Variants in TTLL7 observed in about 807,000 individuals in gnomAD.
TTLL7 encodes the protein tubulin polyglutamylase TTLL7.
TTLL7 carries 53 observed loss-of-function variants against 120.2 expected under a neutral mutation model. The observed-to-expected ratio is 0.44, with a 90% CI of 0.35 to 0.55. The LOEUF is 0.55. TTLL7 is among the 20% of genes least tolerant of loss of function. The pLI, the probability that TTLL7 is intolerant of heterozygous loss-of-function variation, is 0.00. For missense variants in TTLL7, 803 were observed against 1,054.7 expected, an observed-to-expected ratio of 0.76 and a Z score of 3.31; for synonymous variants, 353 against 351.7, an observed-to-expected ratio of 1.00 and a Z score of -0.04.
At chr1:83,949,663 G>C (rs1017505028) in intron 4 of TTLL7, 2 of 536,068 alleles carry the variant, frequency 3.7e-6, no homozygotes, top group Admixed American at 4.0e-5. Context: ...CCTAAAGATA[G>C]AAAGAGGTTA....
intron 18 of TTLL7, among the ~76,000 whole-genome samples, chr1:83,903,732 CT>C (rs1397413549): frequency 6.6e-6 from 1 of 151,648 alleles, no homozygotes; most frequent in East Asian, 1.9e-4. Context: ...CACAGCCATC[CT>C]TTTTTTTCCA....
intron 1 of TTLL7, among the ~76,000 whole-genome samples, chr1:83,974,490 T>C (rs1651281219): frequency 6.6e-6 from 1 of 151,916 alleles, no homozygotes; most frequent in Non-Finnish European, 1.5e-5. Flanking sequence ...CGATAACAAT[T>C]AACAAAAAGT....
intron 13 of TTLL7, among the ~76,000 whole-genome samples, 176 bp downstream of exon 13, chr1:83,919,523 T>C (rs1291960221): frequency 6.6e-6 from 1 of 152,156 alleles, no homozygotes; most frequent in Non-Finnish European, 1.5e-5. Flanking sequence ...TTGGTAGATA[T>C]CTTATGAAGT....
chr1:83,948,207 A>ACACG (rs1168565170), intron 5 of TTLL7, among the ~76,000 whole-genome samples: 1 of 151,978 alleles, frequency 6.6e-6, no homozygotes, highest in Non-Finnish European at 1.5e-5. Flanking sequence ...ACACACACAC[A>ACACG]CACACACAGC....
At chr1:83,987,322 AC>A (rs1652565114) in intron 1 of TTLL7, among the ~76,000 whole-genome samples, 1 of 152,068 alleles carries the variant, frequency 6.6e-6, no homozygotes, top group African/African-American at 2.4e-5. Flanking sequence ...AGACTTAAAC[AC>A]CTGGGGACAT....
At chr1:83,949,817 C>T (rs1223035043) in intron 4 of TTLL7, 48 bp downstream of exon 4, 2 of 1,604,708 alleles carry the variant, frequency 1.2e-6, no homozygotes, top group Admixed American at 3.4e-5. Flanking sequence ...TATGTGGAAT[C>T]CATATAACTT....
chr1:83,962,620 T>C (rs561601930), intron 1 of TTLL7, among the ~76,000 whole-genome samples: 3 of 152,292 alleles, frequency 2.0e-5, no homozygotes, highest in Admixed American at 1.3e-4. Context: ...AGTGGTAGCA[T>C]TGTGCCTACT....
intron 1 of TTLL7, among the ~76,000 whole-genome samples, chr1:83,976,886 A>C (rs1278526030): frequency 2.0e-5 from 3 of 152,194 alleles, no homozygotes; most frequent in Non-Finnish European, 4.4e-5. Flanking sequence ...TTTACAAAAA[A>C]AAAATGTTAA....
At chr1:83,898,623 T>C (rs1656447611) in intron 18 of TTLL7, among the ~76,000 whole-genome samples, 1 of 151,832 alleles carries the variant, frequency 6.6e-6, no homozygotes, top group Admixed American at 6.6e-5. Flanking sequence ...TTAGCTCTTA[T>C]ATTGTCAGGC....
intron 10 of TTLL7, among the ~76,000 whole-genome samples, chr1:83,925,218 T>C (rs765888756): frequency 1.3e-5 from 2 of 152,202 alleles, no homozygotes; most frequent in Non-Finnish European, 2.9e-5. Context: ...CCAGTTAACA[T>C]TGTCTCAAAG....
chr1:83,968,069 C>A (rs1333950633), intron 1 of TTLL7, among the ~76,000 whole-genome samples: 1 of 151,964 alleles, frequency 6.6e-6, no homozygotes, highest in African/African-American at 2.4e-5. Flanking sequence ...CCACAGTTGG[C>A]AAGGTATGAA....
intron 1 of TTLL7, among the ~76,000 whole-genome samples, chr1:83,981,832 A>C (rs1413665039): frequency 2.2e-5 from 3 of 135,504 alleles, no homozygotes; most frequent in Middle Eastern, 4.3e-3. Flanking sequence ...CTCTGTCACA[A>C]AAAAAAAAAA....
At chr1:83,942,423 C>T in intron 7 of TTLL7, 40 bp downstream of exon 7, 1 of 1,521,886 alleles carries the variant, frequency 6.6e-7, no homozygotes, top group Non-Finnish European at 9.1e-7. Flanking sequence ...TATATGTTGA[C>T]AAATGAATGA....
In TTLL7 at chr1:83,952,273, A is replaced by C. The variant is rs1649136533; in HGVS notation, c.-62T>G. The stretch of plus-strand genomic sequence containing the variant: ...TGTACCAAGCTCTCAGGAAATCTGG[A>C]AATTCCACATTAGTCTAAGTAGGAT... On this transcript the variant is annotated 5_prime_UTR_variant, in exon 2 of 21. Coordinates refer to ENST00000260505, the MANE Select transcript of TTLL7 (RefSeq NM_024686.6). The C allele has an allele frequency of 4.4e-6, 7 of 1,592,204 alleles. No individual in the cohort carries two copies. The highest frequency in any genetic ancestry group is 3.4e-5 in the Admixed American group (2 of 59,508).
rs545898996 is a variant in TTLL7, at chr1:83,923,496, C to G, written c.1143-2102G>C. 4.6e-5 allele frequency among the ~76,000 whole-genome samples: 7 copies of G among 151,894 alleles called. No individual in the cohort carries two copies. The South Asian group carries it at 1.5e-3, about 32-fold the overall frequency. On this transcript the variant is annotated intron_variant, in intron 10 of 20. Transcript: ENST00000260505. ...GATCTATATGAATATCTACAGCAAA[C>G]AAAACACTCATAGACAAAGATACTT...
intron 20 of TTLL7, among the ~76,000 whole-genome samples, chr1:83,882,290 A>T (rs1317934910): frequency 6.8e-6 from 1 of 146,082 alleles, no homozygotes; most frequent in African/African-American, 2.5e-5. Context: ...CAATAAAAAT[A>T]TAATTACCTG....
intron 1 of TTLL7, among the ~76,000 whole-genome samples, chr1:83,973,546 C>T (rs1651188491): frequency 6.6e-6 from 1 of 151,898 alleles, no homozygotes; most frequent in Admixed American, 6.6e-5. Flanking sequence ...TGTGTTGGCT[C>T]TTCTGGGTCT....
At chr1:83,948,587 T>G in intron 5 of TTLL7, 41 bp downstream of exon 5, 1 of 1,353,402 alleles carries the variant, frequency 7.4e-7, no homozygotes, top group Non-Finnish European at 1.1e-6. Flanking sequence ...ATGGTATAAA[T>G]TTTGAACAGG....
chr1:83,958,896 G>T (rs1649772295), intron 1 of TTLL7, among the ~76,000 whole-genome samples: 1 of 152,148 alleles, frequency 6.6e-6, no homozygotes, highest in African/African-American at 2.4e-5. Context: ...TTTCTGACAA[G>T]CTCCTAGGTA....
Sources: allele counts gnomAD v4.1 joint callset (sites outside exome capture counted in the v4.1 genomes callset), GRCh38; gene constraint gnomAD v4.1.1; transcripts MANE v1.5; gene names NCBI Gene and HGNC (gene_info 2026-07-23, HGNC 2026-07-21).